Variants in SOBP observed in about 807,000 individuals in gnomAD.
SOBP encodes sine oculis-binding protein homolog.
Under a neutral mutation model 53.6 loss-of-function variants are expected in SOBP, and 4 were observed. The ratio of observed to expected loss-of-function variants is 0.07; its 90% CI spans 0.04 to 0.17. SOBP has a LOEUF of 0.17. Among genes scored for constraint, SOBP ranks in the 10% least tolerant of loss-of-function variants. The pLI, the probability that SOBP is intolerant of heterozygous loss-of-function variation, is 1.00. For missense variants in SOBP, 1,088 were observed against 1,204.7 expected, an observed-to-expected ratio of 0.90 and a Z score of 1.43; for synonymous variants, 584 against 522.6, an observed-to-expected ratio of 1.12 and a Z score of -1.60.
intron 5 of SOBP, among the ~76,000 whole-genome samples, chr6:107,617,263 G>A (rs1786826600): frequency 6.6e-6 from 1 of 152,134 alleles, no homozygotes; most frequent in Non-Finnish European, 1.5e-5. Flanking sequence ...TTCTAAAGAG[G>A]GCAGCGTGCC....
chr6:107,612,619 CAT>C (rs1786641176), intron 5 of SOBP, among the ~76,000 whole-genome samples: 1 of 152,016 alleles, frequency 6.6e-6, no homozygotes, highest in Non-Finnish European at 1.5e-5. Context: ...ATATATAAAA[CAT>C]AGCATTTTCT....
At chr6:107,529,395 C>A (rs1050090833) in intron 3 of SOBP, 2 of 960,966 alleles carry the variant, frequency 2.1e-6, no homozygotes, top group Non-Finnish European at 2.5e-6. Context: ...CCTCAGACTG[C>A]CTTGTAACTT....
chr6:107,568,278 G>A (rs749993683), intron 4 of SOBP, among the ~76,000 whole-genome samples: 3 of 152,166 alleles, frequency 2.0e-5, no homozygotes, highest in Non-Finnish European at 4.4e-5. Context: ...TCAACAGTGG[G>A]AAACACGGTC....
At chr6:107,585,553 T>A (rs1785540076) in intron 4 of SOBP, among the ~76,000 whole-genome samples, 1 of 152,176 alleles carries the variant, frequency 6.6e-6, no homozygotes, top group South Asian at 2.1e-4. Context: ...CTGTCGCATA[T>A]AGCCAATCCT....
chr6:107,634,927 G>C lies in SOBP; in HGVS notation c.2083G>C (p.Asp695His), dbSNP rs1770945402. 1.3e-5 allele frequency: 15 copies of C among 1,152,790 alleles called. No individual in the cohort carries two copies. The highest frequency in any genetic ancestry group is 3.5e-4 in the Middle Eastern group (1 of 2,838). The allele number at this position is 1,152,790 out of a possible 1,614,324, so 71.4% of individuals were successfully genotyped here. Reference protein sequence around the residue: ...AERRTCGGCRDGHCSPPAAGD... With the variant: ...AERRTCGGCRHGHCSPPAAGD... ...GCGCAGGACCTGCGGCGGCTGCAGG[G>C]ACGGCCACTGCAGCCCGCCCGCCGC... Residue 695 changes from aspartate (D) to histidine (H), a missense_variant, in exon 6 of 7, where the codon GAC (aspartate) becomes CAC (histidine). Physicochemically the swap from Asp to His is moderately conservative, Grantham distance 81. Around this residue, in one of 6 missense-constraint regions of SOBP, gnomAD observed 665 missense variants for 629.7 expected, o/e 1.06. Transcript: ENST00000317357. The surrounding 1 kb of genome is among the most constrained non-coding windows in gnomAD (Gnocchi z 4.5).
Position 107,635,235 on chromosome 6 carries a change from G to C in SOBP, c.2391G>C (p.Ala797=), listed in dbSNP as rs925324994. ...AGCTGATGGGCGAGGAGGCCCTGGCGGGGGGCGACAAGTCAGACCCGAACC... is the reference window on the plus strand; with the variant it reads ...AGCTGATGGGCGAGGAGGCCCTGGCCGGGGGCGACAAGTCAGACCCGAACC... ...AKKLMGEEAL[A]GGDKSDPNLN... The change falls in exon 6 of 7, where the codon GCG becomes GCC. Residue 797 remains alanine, a synonymous_variant. Transcript: ENST00000317357. This position sits in a 1 kb window ranked among gnomAD's most constrained non-coding sequence, Gnocchi z 4.5. 1.2e-6 allele frequency: 2 copies of C among 1,613,838 alleles called. No homozygotes were observed. The highest frequency in any genetic ancestry group is 8.5e-7 in the Non-Finnish European group (1 of 1,179,972).
At chr6:107,494,272 TAGCTC>T (rs1337839136) in intron 1 of SOBP, among the ~76,000 whole-genome samples, 4 of 152,228 alleles carry the variant, frequency 2.6e-5, no homozygotes, top group Non-Finnish European at 5.9e-5. Context: ...GGTATACTGT[TAGCTC>T]ACATATATCA....
intron 5 of SOBP, among the ~76,000 whole-genome samples, chr6:107,611,337 G>A (rs917799235): frequency 6.6e-5 from 10 of 152,228 alleles, no homozygotes; most frequent in African/African-American, 2.4e-4. Flanking sequence ...AAAGGAAAAG[G>A]CCAGCAACAG....
At chr6:107,648,204 T>C (rs1487035710) in intron 6 of SOBP, among the ~76,000 whole-genome samples, 1 of 152,192 alleles carries the variant, frequency 6.6e-6, no homozygotes, top group Non-Finnish European at 1.5e-5. Context: ...TCATATAACA[T>C]AGAGAAGTAA....
intron 3 of SOBP, among the ~76,000 whole-genome samples, chr6:107,532,406 C>T (rs1238989196): frequency 6.6e-6 from 1 of 152,106 alleles, no homozygotes. Context: ...CACCCCCACC[C>T]ACCCCTCAGA....
chr6:107,563,712 C>CT (rs1295325082), intron 4 of SOBP, among the ~76,000 whole-genome samples: 3 of 151,970 alleles, frequency 2.0e-5, no homozygotes, highest in Non-Finnish European at 4.4e-5. Flanking sequence ...AAAATGGCGT[C>CT]TTTCAGTGAT....
rs1409676830 is a variant in SOBP at position 107,582,716 on chromosome 6, T to G, written c.574-4364T>G. On this transcript the variant is annotated intron_variant, in intron 4 of 6. Coordinates refer to ENST00000317357, the MANE Select transcript of SOBP (RefSeq NM_018013.4). Reference sequence around the variant, plus strand: ...CTAGTCAGAATAAAACTGTTGAAAATAACACACAAGGAGAGAGTTAGTTCA... The same window carrying G: ...CTAGTCAGAATAAAACTGTTGAAAAGAACACACAAGGAGAGAGTTAGTTCA... 2.6e-5 allele frequency among the ~76,000 whole-genome samples: 4 copies of G among 152,152 alleles called. No individual in the cohort carries two copies. The South Asian group carries it at 8.3e-4, about 32-fold the overall frequency.
chr6:107,638,858 G>T (rs948858347), intron 6 of SOBP, among the ~76,000 whole-genome samples: 1 of 151,772 alleles, frequency 6.6e-6, no homozygotes, highest in Non-Finnish European at 1.5e-5. Context: ...TTCTCACTAT[G>T]TCTGCCTTTT....
intron 4 of SOBP, among the ~76,000 whole-genome samples, chr6:107,559,193 T>TAA (rs759385283): frequency 6.7e-6 from 1 of 148,914 alleles, no homozygotes; most frequent in Non-Finnish European, 1.5e-5. Context: ...GATTAAATGT[T>TAA]AAAAAAAAAA....
chr6:107,552,439 T>A (rs1784485883), intron 4 of SOBP, among the ~76,000 whole-genome samples: 1 of 152,122 alleles, frequency 6.6e-6, no homozygotes, highest in African/African-American at 2.4e-5. Flanking sequence ...AGAGGTGAGT[T>A]GTTGGGGAGG....
At chr6:107,519,516 C>T (rs573821353) in intron 3 of SOBP, among the ~76,000 whole-genome samples, 3 of 152,252 alleles carry the variant, frequency 2.0e-5, no homozygotes, top group South Asian at 4.1e-4. Context: ...ACTTGCCTCG[C>T]ACCTGTGGCA....
chr6:107,510,022 C>T (rs9486635), intron 3 of SOBP, among the ~76,000 whole-genome samples: 1 of 152,304 alleles, frequency 6.6e-6, no homozygotes, highest in African/African-American at 2.4e-5. Flanking sequence ...CAAGCAGGAA[C>T]TTACAGGGAA....
intron 3 of SOBP, among the ~76,000 whole-genome samples, chr6:107,528,099 C>T (rs1001197274): frequency 4.0e-4 from 61 of 152,284 alleles, no homozygotes; most frequent in Non-Finnish European, 5.9e-5. Context: ...CTTCCCATTC[C>T]TTGTAAAAAC....
chr6:107,523,178 C>G (rs958181597), intron 3 of SOBP, among the ~76,000 whole-genome samples: 1 of 152,166 alleles, frequency 6.6e-6, no homozygotes, highest in Non-Finnish European at 1.5e-5. Context: ...AGAGGAATGT[C>G]TAGAGAGAAG....
Sources: allele counts gnomAD v4.1 joint callset (sites outside exome capture counted in the v4.1 genomes callset), GRCh38; gene constraint gnomAD v4.1.1; regional missense constraint gnomAD v4.1.1; non-coding constraint Gnocchi (gnomAD v3.1); transcripts MANE v1.5; gene names NCBI Gene and HGNC (gene_info 2026-07-23, HGNC 2026-07-21).